Variants in CHI3L2 observed in about 807,000 individuals in gnomAD.
The protein encoded by CHI3L2 is chitinase-3-like protein 2.
CHI3L2 carries 47 observed loss-of-function variants against 47.3 expected under a neutral mutation model. The ratio of observed to expected loss-of-function variants is 0.99; its 90% CI spans 0.79 to 1.27. CHI3L2 has a LOEUF of 1.27. Ranked by LOEUF, CHI3L2 falls within the 50% of genes most tolerant of loss-of-function variation. CHI3L2 has a pLI of 0.00. For missense variants in CHI3L2, 497 were observed against 462.1 expected (o/e 1.08, Z -0.69); for synonymous variants, 198 against 169.9 (o/e 1.17, Z -1.28).
chr1:111,234,340 G>A (rs1659815838), intron 4 of CHI3L2, among the ~76,000 whole-genome samples: 1 of 152,126 alleles, frequency 6.6e-6, no homozygotes, highest in Non-Finnish European at 1.5e-5. Context: ...AGGAAATATA[G>A]CCAAAGAGCA....
intron 7 of CHI3L2, among the ~76,000 whole-genome samples, chr1:111,237,747 C>A (rs752126574): frequency 1.2e-4 from 18 of 152,300 alleles, no homozygotes; most frequent in South Asian, 4.1e-4. Flanking sequence ...GACATCTGAA[C>A]AAATCCTTCC....
chr1:111,231,667 G>A (rs1168958894), intron 4 of CHI3L2, among the ~76,000 whole-genome samples: 3 of 152,186 alleles, frequency 2.0e-5, no homozygotes, highest in African/African-American at 7.2e-5. Flanking sequence ...TGTGCCCCGG[G>A]GTGGGTTGGA....
chr1:111,241,752 T>G (rs1202559606), intron 9 of CHI3L2, among the ~76,000 whole-genome samples: 2 of 152,300 alleles, frequency 1.3e-5, no homozygotes, highest in Non-Finnish European at 1.5e-5. Flanking sequence ...CGTTGGTGCC[T>G]GTATAGATAA....
At chr1:111,243,142 T>C (rs1217927591) in intron 10 of CHI3L2, 75 bp from the exon 11 acceptor site, 4 of 455,930 alleles carry the variant, frequency 8.8e-6, no homozygotes, top group South Asian at 3.1e-5. Context: ...ACTCTGAGCA[T>C]CCATTGTTTA....
chr1:111,238,616 G>A, intron 7 of CHI3L2, 134 bp from the exon 8 acceptor site: 1 of 826,934 alleles, frequency 1.2e-6, no homozygotes, highest in Non-Finnish European at 1.9e-6. Context: ...GGTCCGGGGG[G>A]TCTGGTCTGT....
chr1:111,238,969 A>T (rs1659968722), intron 8 of CHI3L2, 37 bp downstream of exon 8: 8 of 1,526,898 alleles, frequency 5.2e-6, no homozygotes, highest in Middle Eastern at 4.1e-4. Flanking sequence ...GCTCCCTGCC[A>T]TGTCTGGGTA....
At chr1:111,240,661 T>G (rs1218814902) in intron 8 of CHI3L2, among the ~76,000 whole-genome samples, 3 of 152,238 alleles carry the variant, frequency 2.0e-5, no homozygotes, top group Admixed American at 1.3e-4. Flanking sequence ...ATGTAGTTCA[T>G]CCAAAAAGAG....
intron 4 of CHI3L2, 67 bp downstream of exon 4, chr1:111,231,361 C>G (rs1659716661): frequency 8.0e-7 from 1 of 1,256,946 alleles, no homozygotes; most frequent in Admixed American, 1.8e-5. Flanking sequence ...ATTTTTCCTC[C>G]TTCTAAGAAG....
In CHI3L2 at chr1:111,236,093, C is replaced by T; in HGVS notation, c.675C>T (p.Gly225=). 1 of 1,614,224 alleles carries T rather than the reference C, an allele frequency of 6.2e-7. No homozygotes were observed. The part of the protein sequence containing the change: ...HGSWEKPLIT[G]HNSPLSKGWQ... ...CTTGGGAAAAGCCCCTTATCACTGG[C>T]CACAACAGCCCTCTGAGCAAGGGGT... Residue 225 remains glycine, a synonymous_variant, in exon 7 of 11, where the codon GGC becomes GGT. Transcript: ENST00000369748.
At chr1:111,228,621 C>T (rs1659598713) in intron 1 of CHI3L2, among the ~76,000 whole-genome samples, 1 of 152,152 alleles carries the variant, frequency 6.6e-6, no homozygotes, top group Non-Finnish European at 1.5e-5. Context: ...ACCTCCCTGC[C>T]TAAAAAAACA....
intron 8 of CHI3L2, among the ~76,000 whole-genome samples, chr1:111,240,980 A>G (rs560035982): frequency 6.6e-6 from 1 of 152,372 alleles, no homozygotes; most frequent in East Asian, 1.9e-4. Context: ...ACAACACTGT[A>G]AGGTAGATAT....
At chr1:111,230,342 C>A (rs1209760479) in intron 2 of CHI3L2, among the ~76,000 whole-genome samples, 4 of 152,080 alleles carry the variant, frequency 2.6e-5, no homozygotes, top group Non-Finnish European at 5.9e-5. Flanking sequence ...CAGCCTTGAC[C>A]TCCCAGGCTC....
chr1:111,236,972 G>A (rs917889725), intron 7 of CHI3L2, among the ~76,000 whole-genome samples: 1 of 152,164 alleles, frequency 6.6e-6, no homozygotes, highest in East Asian at 1.9e-4. Flanking sequence ...TCTTGTTTGG[G>A]ATCACAGAAC....
chr1:111,235,753 A>G lies in CHI3L2; in HGVS notation c.595A>G (p.Lys199Glu). ...QMIDNSYQVEKLAKDLDFINL... is the reference protein window; with the variant it reads ...QMIDNSYQVEELAKDLDFINL... ...GATTGATAACAGCTATCAAGTTGAG[A>G]AACTGGCAAAGTGAGTACATCAGAG... Residue 199 changes from lysine (K) to glutamate (E), a missense_variant, in exon 6 of 11, where the codon AAA (lysine) becomes GAA (glutamate). Transcript: ENST00000369748. 1.2e-6 allele frequency: 2 copies of G among 1,613,812 alleles called. No individual in the cohort carries two copies. The highest frequency in any genetic ancestry group is 2.2e-5 in the East Asian group (1 of 44,894).
rs764996993 is a variant in CHI3L2, at chr1:111,227,762, C to T, written c.33C>T (p.Leu11=). 28 of 1,614,150 alleles carry T rather than the reference C, an allele frequency of 1.7e-5. No individual in the cohort carries two copies. The South Asian group carries it at 3.0e-4, about 17-fold the overall frequency. MGATTMDQKS[L]WAGVVVLLLL... is the part of the protein sequence containing the mutation. ...CAACCACCATGGACCAGAAGTCTCTCTGGGCAGGTGAGCATGGGGTTGATA... is the reference window on the plus strand; with the variant it reads ...CAACCACCATGGACCAGAAGTCTCTTTGGGCAGGTGAGCATGGGGTTGATA... The change falls in exon 1 of 11, where the codon CTC becomes CTT. Residue 11 remains leucine (L), a synonymous_variant. Transcript: ENST00000369748.
Position 111,229,543 on chromosome 1 carries a change from G to A in CHI3L2, c.41-309G>A, listed in dbSNP as rs1043843792. The A allele has an allele frequency of 2.3e-4, 44 of 194,646 alleles. 1 individual carries two copies. Among genetic ancestry groups the A allele is most frequent in the Non-Finnish European group, 2.7e-4 (27 of 99,424 alleles). The allele number at this position is 194,646 out of a possible 1,614,324, so 12.1% of individuals were successfully genotyped here. A position where few individuals can be genotyped will look rare whatever the true frequency, so the allele number is the denominator to read the frequency against. On this transcript the variant is annotated intron_variant, in intron 1 of 10. Transcript: ENST00000369748. The stretch of plus-strand genomic sequence containing the variant: ...TAAAAATACAAAAAATTAGCCGGGC[G>A]TAGTGGCGGGCGCCTGTAGTCCCAG...
chr1:111,230,656 T>A, intron 2 of CHI3L2, 86 bp from the exon 3 acceptor site: 1 of 1,118,138 alleles, frequency 8.9e-7, no homozygotes. Context: ...AATGATGCAA[T>A]GGCTGTCTTG....
At chr1:111,235,153 G>A in intron 5 of CHI3L2, 96 bp downstream of exon 5, 1 of 1,317,848 alleles carries the variant, frequency 7.6e-7, no homozygotes, top group Non-Finnish European at 1.0e-6. Flanking sequence ...GAGACAAAAA[G>A]GAGGAGATTG....
chr1:111,238,979 A>G (rs1659969191), intron 8 of CHI3L2, 47 bp downstream of exon 8: 2 of 1,503,394 alleles, frequency 1.3e-6, no homozygotes, highest in Admixed American at 2.3e-5. Flanking sequence ...ATGTCTGGGT[A>G]GATGTTCCAT....
Sources: allele counts gnomAD v4.1 joint callset (sites outside exome capture counted in the v4.1 genomes callset), GRCh38; gene constraint gnomAD v4.1.1; transcripts MANE v1.5; gene names NCBI Gene and HGNC (gene_info 2026-07-23, HGNC 2026-07-21).